Variants in TMEM132D observed in about 807,000 individuals in gnomAD.
The protein encoded by TMEM132D is mature OL transmembrane protein.
TMEM132D carries 21 observed loss-of-function variants against 62.3 expected under a neutral mutation model. The observed-to-expected ratio is 0.34, with a 90% CI of 0.24 to 0.49. The LOEUF (loss-of-function observed/expected upper bound fraction) is 0.49. TMEM132D is among the 20% of genes least tolerant of loss of function. The pLI is 0.99. For synonymous variants in TMEM132D, 621 were observed against 575.6 expected (o/e 1.08, Z -1.13); for missense variants, 1,346 against 1,402.8 (o/e 0.96, Z 0.65).
intron 1 of TMEM132D, among the ~76,000 whole-genome samples, chr12:129,880,284 G>A (rs1874550445): frequency 6.6e-6 from 1 of 152,034 alleles, no homozygotes. Flanking sequence ...TCAACAATGA[G>A]GGTAAAATAA....
chr12:129,551,084 G>A (rs2129027), intron 2 of TMEM132D, among the ~76,000 whole-genome samples: 134,188 of 152,240 alleles, frequency 0.88, 59,209 homozygotes, highest in East Asian at 0.99. Context: ...GCAAGAGCCA[G>A]CCTCAACCAT....
chr12:129,423,032 A>G (rs749113151), intron 3 of TMEM132D, among the ~76,000 whole-genome samples: 2 of 151,976 alleles, frequency 1.3e-5, no homozygotes, highest in African/African-American at 4.8e-5. Context: ...CTGCCTCATC[A>G]GAGAAAGCAC....
intron 3 of TMEM132D, among the ~76,000 whole-genome samples, chr12:129,398,183 T>A (rs1247536146): frequency 6.6e-6 from 1 of 152,210 alleles, no homozygotes; most frequent in Non-Finnish European, 1.5e-5. Context: ...CAACATATGG[T>A]GGCTTAAATC....
rs1300877465 is a variant in TMEM132D at position 129,662,759 on chromosome 12, C to A, written c.968+37051G>T. Among the ~76,000 whole-genome samples, 12 of 133,804 alleles carry A rather than the reference C, an allele frequency of 9.0e-5. No individual in the cohort carries two copies. In the East Asian group the frequency reaches 2.3e-3, roughly 26 times the overall value. 87.8% of individuals were successfully genotyped at this position (133,804 alleles called of 152,430 possible). On this transcript the variant is annotated intron_variant, in intron 2 of 8. Transcript: ENST00000422113. ...AGTGAGCTAAGATTGTGCCACTGCA[C>A]TCCAGCCTGGCGACAGAGCAAGATT... is the stretch of plus-strand genomic sequence containing the variant.
In TMEM132D at chr12:129,519,332, A is replaced by C. The variant is rs1010467105; in HGVS notation, c.1115+11727T>G. ...TCATAGTCTATTGGATTTGTAAAAG[A>C]TATTTCAAAATGTACCCTGCCCTGA... On this transcript the variant is annotated intron_variant, in intron 3 of 8. Transcript: ENST00000422113. Among the ~76,000 whole-genome samples the C allele has an allele frequency of 2.0e-5, 3 of 152,328 alleles. No homozygotes were observed. The South Asian group carries it at 6.2e-4, about 32-fold the overall frequency.
chr12:129,104,779 A>C (rs954113669), intron 5 of TMEM132D, among the ~76,000 whole-genome samples: 4 of 149,276 alleles, frequency 2.7e-5, no homozygotes, highest in African/African-American at 1.0e-4. Flanking sequence ...GCAGCCAAAA[A>C]ACACATGAAA....
chr12:129,198,043 C>T (rs543633047), intron 5 of TMEM132D, among the ~76,000 whole-genome samples: 4 of 152,264 alleles, frequency 2.6e-5, no homozygotes, highest in Non-Finnish European at 5.9e-5. Context: ...TGCTCAACAT[C>T]ACGAATCACT....
chr12:129,342,717 A>G (rs1459284135), intron 3 of TMEM132D, among the ~76,000 whole-genome samples: 1 of 152,152 alleles, frequency 6.6e-6, no homozygotes, highest in African/African-American at 2.4e-5. Flanking sequence ...AAGAACTCAA[A>G]CAAACTTACA....
At chr12:129,075,513 T>C (rs1874221999) in intron 8 of TMEM132D, among the ~76,000 whole-genome samples, 1 of 152,250 alleles carries the variant, frequency 6.6e-6, no homozygotes, top group Non-Finnish European at 1.5e-5. Flanking sequence ...GAGTCTCCAC[T>C]GATTACTGGC....
intron 1 of TMEM132D, among the ~76,000 whole-genome samples, chr12:129,893,408 A>ACC (rs1593201492): frequency 1.8e-5 from 1 of 54,594 alleles, no homozygotes; most frequent in Admixed American, 1.9e-4. Flanking sequence ...TCCCCACCCT[A>ACC]CCCACCCTGC....
chr12:129,593,795 T>C (rs1369182207), intron 2 of TMEM132D, among the ~76,000 whole-genome samples: 3 of 152,196 alleles, frequency 2.0e-5, no homozygotes, highest in Non-Finnish European at 1.5e-5. Context: ...GAAATGCAGC[T>C]GGCATCAAAC....
intron 3 of TMEM132D, among the ~76,000 whole-genome samples, chr12:129,393,024 G>A (rs980631460): frequency 3.3e-5 from 5 of 152,164 alleles, no homozygotes; most frequent in Admixed American, 2.0e-4. Context: ...GTCCTAGAAC[G>A]AACAGACTTT....
At chr12:129,402,391 A>C (rs973190052) in intron 3 of TMEM132D, among the ~76,000 whole-genome samples, 2 of 152,214 alleles carry the variant, frequency 1.3e-5, no homozygotes, top group African/African-American at 4.8e-5. Flanking sequence ...CATCCGTCCC[A>C]GTAGGAAGAT....
chr12:129,263,693 T>TAC (rs1383761475), intron 4 of TMEM132D, among the ~76,000 whole-genome samples: 5 of 151,980 alleles, frequency 3.3e-5, no homozygotes, highest in African/African-American at 1.2e-4. Context: ...GGAAGGCATT[T>TAC]TGGGGATGTG....
chr12:129,804,593 G>C (rs1165044417), intron 1 of TMEM132D, among the ~76,000 whole-genome samples: 1 of 140,984 alleles, frequency 7.1e-6, no homozygotes, highest in Non-Finnish European at 1.5e-5. Flanking sequence ...CATACTGAAT[G>C]GGCAAAAACT....
intron 4 of TMEM132D, among the ~76,000 whole-genome samples, chr12:129,326,905 T>C (rs1454346724): frequency 6.6e-6 from 1 of 152,094 alleles, no homozygotes; most frequent in Non-Finnish European, 1.5e-5. Flanking sequence ...CTCAAATACA[T>C]AAATTTTGGG....
intron 3 of TMEM132D, among the ~76,000 whole-genome samples, chr12:129,460,763 G>A (rs939364082): frequency 1.3e-5 from 2 of 152,170 alleles, no homozygotes; most frequent in African/African-American, 4.8e-5. Context: ...GTTTCTATGT[G>A]TGTGTGTGAT....
intron 4 of TMEM132D, among the ~76,000 whole-genome samples, chr12:129,300,508 T>C (rs557598340): frequency 1.5e-3 from 232 of 152,300 alleles, no homozygotes; most frequent in Non-Finnish European, 1.8e-3. Flanking sequence ...ACAAACTTAG[T>C]GGCTTGAAAC....
At chr12:129,659,495 C>A (rs633248) in intron 2 of TMEM132D, among the ~76,000 whole-genome samples, 115,290 of 152,022 alleles carry the variant, frequency 0.76, 44,129 homozygotes, top group East Asian at 0.85. Flanking sequence ...CTCACATCTC[C>A]TCTTCTGCTT....
Sources: allele counts gnomAD v4.1 joint callset (sites outside exome capture counted in the v4.1 genomes callset), GRCh38; gene constraint gnomAD v4.1.1; transcripts MANE v1.5; gene names NCBI Gene and HGNC (gene_info 2026-07-23, HGNC 2026-07-21).